The following TXK variants were observed in gnomAD, a reference collection of about 807,000 sequenced individuals.
TXK encodes TXK tyrosine kinase.
TXK carries 60 observed loss-of-function variants against 81.0 expected under a neutral mutation model. The ratio of observed to expected loss-of-function variants is 0.74; its 90% confidence interval spans 0.60 to 0.92. The LOEUF (loss-of-function observed/expected upper bound fraction) is 0.92. Ranked by LOEUF, TXK falls within the 40% of genes least tolerant of loss-of-function variation. The probability of loss-of-function intolerance (pLI) is 0.00; values close to 1 mark genes in which losing one functional copy is unlikely to be tolerated. For missense variants in TXK, 581 were observed against 638.3 expected (o/e 0.91, Z 0.97); for synonymous variants, 203 against 210.7 (o/e 0.96, Z 0.32).
At chr4:48,115,684 C>G (rs533678527) in intron 1 of TXK, among the ~76,000 whole-genome samples, 20 of 151,854 alleles carry the variant, frequency 1.3e-4, no homozygotes, top group Non-Finnish European at 2.9e-4. Flanking sequence ...CCATGTCTAC[C>G]CCAAAAAACT....
At chr4:48,110,888 TC>T (rs1366207376) in intron 4 of TXK, among the ~76,000 whole-genome samples, 2 of 152,246 alleles carry the variant, frequency 1.3e-5, no homozygotes, top group Non-Finnish European at 2.9e-5. Context: ...TCATCTGATA[TC>T]ATAGTGATTA....
At chr4:48,083,619 T>C (rs529183342) in intron 10 of TXK, among the ~76,000 whole-genome samples, 1 of 152,364 alleles carries the variant, frequency 6.6e-6, no homozygotes, top group South Asian at 2.1e-4. Flanking sequence ...AGTTGGGATC[T>C]TAATAGAAGC....
chr4:48,134,103 A>C, intron 1 of TXK, 52 bp downstream of exon 1: 1 of 1,606,804 alleles, frequency 6.2e-7, no homozygotes, highest in Non-Finnish European at 8.5e-7. Flanking sequence ...TTCAAGAATA[A>C]CAGGCCCCAG....
rs760061812 is a variant in TXK at position 48,094,163 on chromosome 4, T to C, written c.623A>G (p.Asn208Ser). The C allele has an allele frequency of 3.1e-6, 5 of 1,613,910 alleles. No individual in the cohort carries two copies. The highest frequency in any genetic ancestry group is 2.2e-5 in the East Asian group (1 of 44,882). ...AGCCACATACCACTGTCCTGAGTCA[T>C]TCTTTTTTATCTGATAATGTTTTAT... is the stretch of plus-strand genomic sequence containing the variant. Reference protein sequence around the residue: ...AAIKHYQIKKNDSGQWYVAER... With the variant: ...AAIKHYQIKKSDSGQWYVAER... Residue 208 changes from asparagine to serine, a missense_variant, in exon 8 of 15, where the codon AAT (asparagine) becomes AGT (serine). By Grantham distance (46) the Asn-to-Ser change is conservative. Transcript: ENST00000264316.
intron 9 of TXK, 128 bp from the exon 10 acceptor site, chr4:48,086,765 T>C: frequency 2.4e-6 from 2 of 830,174 alleles, no homozygotes; most frequent in Non-Finnish European, 1.8e-6. Context: ...GGAGAGGATA[T>C]GAAGCCATTT....
intron 1 of TXK, among the ~76,000 whole-genome samples, chr4:48,117,472 C>T (rs1194545375): frequency 6.6e-6 from 1 of 152,160 alleles, no homozygotes; most frequent in African/African-American, 2.4e-5. Context: ...AGGATAATCA[C>T]CCCAGCTACA....
chr4:48,078,655 A>C (rs903159485), intron 11 of TXK, among the ~76,000 whole-genome samples: 2 of 152,234 alleles, frequency 1.3e-5, no homozygotes, highest in African/African-American at 4.8e-5. Context: ...ACAATCATTT[A>C]TTTAAATAGG....
chr4:48,127,049 A>G (rs1265927471), intron 1 of TXK, among the ~76,000 whole-genome samples: 1 of 152,166 alleles, frequency 6.6e-6, no homozygotes, highest in Admixed American at 6.5e-5. Context: ...GACCTACCCT[A>G]CCACTGCTTT....
intron 6 of TXK, among the ~76,000 whole-genome samples, chr4:48,102,255 A>G (rs1718224317): frequency 6.6e-6 from 1 of 152,212 alleles, no homozygotes; most frequent in African/African-American, 2.4e-5. Flanking sequence ...CTGGGATTAC[A>G]GGCTTAAGCC....
At chr4:48,109,415 T>C (rs1026529960) in intron 5 of TXK, 2 of 152,212 alleles carry the variant, frequency 1.3e-5, no homozygotes, top group African/African-American at 4.8e-5. Flanking sequence ...GTGAGCACTT[T>C]GGAACTGTTT....
At chr4:48,120,343 T>A (rs1389850906) in intron 1 of TXK, among the ~76,000 whole-genome samples, 1 of 150,032 alleles carries the variant, frequency 6.7e-6, no homozygotes, top group South Asian at 2.1e-4. Flanking sequence ...TATACACATA[T>A]ATACGTATAT....
intron 10 of TXK, among the ~76,000 whole-genome samples, chr4:48,085,130 T>G (rs1310559060): frequency 6.6e-6 from 1 of 152,166 alleles, no homozygotes; most frequent in Non-Finnish European, 1.5e-5. Context: ...ATTATTGGCC[T>G]GTCCTGGTCC....
chr4:48,080,382 T>C (rs909347848), intron 10 of TXK, among the ~76,000 whole-genome samples: 7 of 152,100 alleles, frequency 4.6e-5, no homozygotes, highest in African/African-American at 1.7e-4. Flanking sequence ...CGTAAGCATT[T>C]TATGTTTCTC....
chr4:48,114,338 G>A lies in TXK; in HGVS notation c.71+10C>T. 6.2e-7 allele frequency: 1 copy of A among 1,613,916 alleles called. No homozygotes were observed. Among genetic ancestry groups the A allele is most frequent in the Non-Finnish European group, 8.5e-7 (1 of 1,179,840 alleles). ...AATTTTCAAGAAATTGCCCTCGGAA[G>A]TAGACTTACCGCTTCTGCACTGAAC... On this transcript the variant is annotated intron_variant, in intron 2 of 14. Transcript: ENST00000264316.
chr4:48,112,604 C>T, intron 3 of TXK, 92 bp from the exon 4 acceptor site: 1 of 1,321,734 alleles, frequency 7.6e-7, no homozygotes, highest in Non-Finnish European at 1.0e-6. Flanking sequence ...TTCTGCCTCA[C>T]TTTTCTTATC....
At chr4:48,110,737 GA>G (rs1267511598) in intron 4 of TXK, 134 bp from the exon 5 acceptor site, 59 of 672,362 alleles carry the variant, frequency 8.8e-5, no homozygotes, top group Non-Finnish European at 1.3e-4. Flanking sequence ...GTTAAAAGGA[GA>G]AAAAAAAGTT....
intron 11 of TXK, 27 bp downstream of exon 11, chr4:48,079,885 A>G (rs1425283202): frequency 1.9e-6 from 3 of 1,561,144 alleles, no homozygotes; most frequent in Non-Finnish European, 2.6e-6. Context: ...GATACAAAAA[A>G]AAAAAGTAAA....
intron 11 of TXK, among the ~76,000 whole-genome samples, chr4:48,079,262 A>G (rs1717198382): frequency 6.6e-6 from 1 of 152,202 alleles, no homozygotes; most frequent in Non-Finnish European, 1.5e-5. Context: ...CCTTTGTAGG[A>G]CAGACAAATT....
chr4:48,114,359 T>C lies in TXK; in HGVS notation c.60A>G (p.Ser20=), dbSNP rs747698262. Residue 20 remains serine, a synonymous_variant, in exon 2 of 15, where the codon TCA becomes TCG. Coordinates refer to ENST00000264316, the MANE Select transcript of TXK (RefSeq NM_003328.3). ...GGAAGTAGACTTACCGCTTCTGCAC[T>C]GAACAGCAACAGCAGCAACAGAAAA... is the stretch of plus-strand genomic sequence containing the variant. The part of the protein sequence containing the change: ...QSVFCCCCCC[S]VQKRQMRTQI... 2.5e-6 allele frequency: 4 copies of C among 1,613,978 alleles called. No homozygotes were observed. In the East Asian group the frequency reaches 6.7e-5, roughly 27 times the overall value.
Sources: allele counts gnomAD v4.1 joint callset (sites outside exome capture counted in the v4.1 genomes callset), GRCh38; gene constraint gnomAD v4.1.1; transcripts MANE v1.5; gene names NCBI Gene and HGNC (gene_info 2026-07-23, HGNC 2026-07-21).